The following KIAA0825 variants were observed in gnomAD, a reference collection of about 807,000 sequenced individuals.
KIAA0825 encodes KIAA0825, also known as uncharacterized protein KIAA0825.
In KIAA0825, 119 loss-of-function variants were observed where a neutral mutation model predicts 147.6. That is an observed-to-expected ratio of 0.81 (90% CI 0.69 to 0.94). The LOEUF is 0.94. Ranked by LOEUF, KIAA0825 falls within the 40% of genes least tolerant of loss-of-function variation. The pLI is 0.00. For missense variants in KIAA0825, 1,381 were observed against 1,472.7 expected, an observed-to-expected ratio of 0.94 and a Z score of 1.02; for synonymous variants, 470 against 518.1, an observed-to-expected ratio of 0.91 and a Z score of 1.26.
rs534735986 is a variant in KIAA0825 at position 94,500,254 on chromosome 5, G to A, written c.971-15324C>T. Among the ~76,000 whole-genome samples, 30 of 152,248 alleles carry A rather than the reference G, an allele frequency of 2.0e-4. No individual in the cohort carries two copies. In the South Asian group the frequency reaches 6.2e-3, roughly 32 times the overall value. Reference sequence around the variant, plus strand: ...TAAATAGGGGAGTAAAGTGTACTTGGCAGATGTCTTAGAGGAAAGCAAGAA... The same window carrying A: ...TAAATAGGGGAGTAAAGTGTACTTGACAGATGTCTTAGAGGAAAGCAAGAA... On this transcript the variant is annotated intron_variant, in intron 5 of 20. Coordinates refer to ENST00000682413, the MANE Select transcript of KIAA0825 (RefSeq NM_001145678.3).
Position 94,153,016 on chromosome 5 carries a change from A to C in KIAA0825, c.*991T>G, listed in dbSNP as rs1290378227. On this transcript the variant is annotated 3_prime_UTR_variant, in exon 21 of 21. Transcript: ENST00000682413. ...GTTCGTTAACTGTCCACTTGATGAA[A>C]TAACACTGTAGTAGGCATACAGGGA... 6.7e-6 allele frequency: 1 copy of C among 148,728 alleles called. No homozygotes were observed. Among genetic ancestry groups the C allele is most frequent in the Non-Finnish European group, 1.5e-5 (1 of 67,298 alleles). The allele number at this position is 148,728 out of a possible 1,614,324, so 9.2% of individuals were successfully genotyped here. A position where few individuals can be genotyped will look rare whatever the true frequency, so the allele number is the denominator to read the frequency against.
intron 1 of KIAA0825, among the ~76,000 whole-genome samples, chr5:94,586,824 C>T (rs1783389655): frequency 6.6e-6 from 1 of 152,180 alleles, no homozygotes; most frequent in Non-Finnish European, 1.5e-5. Context: ...TTCAGCAGCA[C>T]ATCAGAAAGC....
intron 20 of KIAA0825, among the ~76,000 whole-genome samples, chr5:94,205,093 A>G (rs945900347): frequency 3.1e-4 from 47 of 151,918 alleles, no homozygotes; most frequent in African/African-American, 8.9e-4. Flanking sequence ...TTAGTACTTA[A>G]AACAGCATCT....
chr5:94,591,082 G>T (rs1195248949), intron 1 of KIAA0825, among the ~76,000 whole-genome samples: 1 of 152,130 alleles, frequency 6.6e-6, no homozygotes, highest in African/African-American at 2.4e-5. Flanking sequence ...AAAAGGTAAA[G>T]AAGTTATATT....
intron 20 of KIAA0825, among the ~76,000 whole-genome samples, chr5:94,353,391 G>C (rs1259477779): frequency 6.6e-6 from 1 of 152,078 alleles, no homozygotes. Context: ...TATCCCAGTA[G>C]AATTCATGAT....
At chr5:94,558,678 C>T (rs191187116) in intron 2 of KIAA0825, among the ~76,000 whole-genome samples, 72 of 152,224 alleles carry the variant, frequency 4.7e-4, no homozygotes, top group African/African-American at 1.6e-3. Context: ...GACATGTTAC[C>T]GCAAAGTTTG....
chr5:94,191,611 C>T (rs1047505691), intron 20 of KIAA0825, among the ~76,000 whole-genome samples: 7 of 152,016 alleles, frequency 4.6e-5, no homozygotes, highest in Non-Finnish European at 7.4e-5. Flanking sequence ...TACTTTAAAT[C>T]AAACAAAAAA....
chr5:94,422,744 G>A (rs973586016), intron 14 of KIAA0825, among the ~76,000 whole-genome samples: 38 of 152,152 alleles, frequency 2.5e-4, no homozygotes, highest in Non-Finnish European at 8.8e-5. Context: ...TAGTGAAAGA[G>A]ATGAATGTCA....
At chr5:94,224,674 A>G (rs1774001855) in intron 20 of KIAA0825, among the ~76,000 whole-genome samples, 1 of 152,182 alleles carries the variant, frequency 6.6e-6, no homozygotes, top group African/African-American at 2.4e-5. Context: ...TTCTTAAAGA[A>G]GAGTTATAAA....
chr5:94,242,045 A>G (rs1341282585), intron 20 of KIAA0825, among the ~76,000 whole-genome samples: 2 of 152,206 alleles, frequency 1.3e-5, no homozygotes, highest in South Asian at 2.1e-4. Context: ...TGCATGGCCT[A>G]AAAGTGTTTT....
intron 20 of KIAA0825, among the ~76,000 whole-genome samples, chr5:94,229,628 C>T (rs145174112): frequency 8.1e-4 from 122 of 151,164 alleles, no homozygotes; most frequent in African/African-American, 2.9e-3. Flanking sequence ...GAATTGTTAT[C>T]GTTTCCTGTA....
intron 10 of KIAA0825, among the ~76,000 whole-genome samples, chr5:94,469,300 A>T (rs773523103): frequency 6.6e-6 from 1 of 151,812 alleles, no homozygotes; most frequent in Non-Finnish European, 1.5e-5. Flanking sequence ...CCTCCTGAGT[A>T]GCTGTAATTA....
At chr5:94,499,472 A>G (rs1247557287) in intron 5 of KIAA0825, among the ~76,000 whole-genome samples, 2 of 151,954 alleles carry the variant, frequency 1.3e-5, no homozygotes, top group South Asian at 4.2e-4. Flanking sequence ...CATCCTGGGC[A>G]TAAGTTAGAA....
At chr5:94,244,713 TGTGGATCATGTGA>T (rs1481040550) in intron 20 of KIAA0825, among the ~76,000 whole-genome samples, 1 of 152,180 alleles carries the variant, frequency 6.6e-6, no homozygotes, top group East Asian at 1.9e-4. Context: ...AGAGCAGACA[TGTGGATCATGTGA>T]GATAAATAAC....
At chr5:94,408,588 G>A (rs1166398269) in intron 15 of KIAA0825, among the ~76,000 whole-genome samples, 3 of 151,850 alleles carry the variant, frequency 2.0e-5, no homozygotes, top group Non-Finnish European at 4.4e-5. Context: ...GGCCAGACTG[G>A]TCTTGAACTC....
intron 20 of KIAA0825, among the ~76,000 whole-genome samples, chr5:94,333,940 G>A (rs897531934): frequency 6.6e-5 from 10 of 152,094 alleles, no homozygotes; most frequent in African/African-American, 1.2e-4. Context: ...CACTGCTCAA[G>A]GAAATACGAG....
chr5:94,576,544 A>C (rs1272870906), intron 2 of KIAA0825, among the ~76,000 whole-genome samples: 3 of 152,210 alleles, frequency 2.0e-5, no homozygotes, highest in Non-Finnish European at 4.4e-5. Context: ...CTCTATGTAC[A>C]GAGTCCCCAC....
chr5:94,467,535 T>C (rs1490764106), intron 10 of KIAA0825, among the ~76,000 whole-genome samples: 4 of 152,210 alleles, frequency 2.6e-5, no homozygotes, highest in Non-Finnish European at 5.9e-5. Context: ...ATTTTAAACA[T>C]GTAATCTGAA....
At chr5:94,173,354 G>T (rs1005681463) in intron 20 of KIAA0825, among the ~76,000 whole-genome samples, 1 of 152,148 alleles carries the variant, frequency 6.6e-6, no homozygotes, top group Non-Finnish European at 1.5e-5. Context: ...ACTCCAGGAT[G>T]TCTGAAAGAG....
Sources: gnomAD v4.1 joint callset for allele counts (sites outside exome capture counted in the v4.1 genomes callset) on GRCh38, gnomAD v4.1.1 for gene constraint, MANE v1.5 for transcripts, NCBI Gene and HGNC (gene_info 2026-07-23, HGNC 2026-07-21) for gene names.